Variants in ARHGEF10L observed in about 807,000 individuals in gnomAD.
ARHGEF10L encodes rho guanine nucleotide exchange factor 10-like protein.
Under a neutral mutation model 141.2 loss-of-function variants are expected in ARHGEF10L, and 69 were observed. That is an observed-to-expected ratio of 0.49 (90% CI 0.40 to 0.60). The LOEUF is 0.60. Ranked by LOEUF, ARHGEF10L falls within the 20% of genes least tolerant of loss-of-function variation. The pLI, the probability that ARHGEF10L is intolerant of heterozygous loss-of-function variation, is 0.00. For synonymous variants in ARHGEF10L, 711 were observed against 718.5 expected (o/e 0.99, Z 0.17); for missense variants, 1,482 against 1,734.3 (o/e 0.85, Z 2.58).
At chr1:17,691,512 G>T in intron 27 of ARHGEF10L, among the ~76,000 whole-genome samples, 1 of 152,048 alleles carries the variant, frequency 6.6e-6, no homozygotes, top group South Asian at 2.1e-4. Context: ...TGAGGCTTGT[G>T]GAATGAAAAA....
chr1:17,567,429 C>T (rs896397549), intron 1 of ARHGEF10L, among the ~76,000 whole-genome samples: 3 of 152,152 alleles, frequency 2.0e-5, no homozygotes, highest in Non-Finnish European at 2.9e-5. Context: ...TACAATGGCG[C>T]GATCTCGGCT....
At chr1:17,690,529 GC>G (rs2102549703) in intron 27 of ARHGEF10L, among the ~76,000 whole-genome samples, 1 of 152,378 alleles carries the variant, frequency 6.6e-6, no homozygotes, top group African/African-American at 2.4e-5. Context: ...AGGTCAGTGT[GC>G]CATTCCTGTC....
intron 26 of ARHGEF10L, among the ~76,000 whole-genome samples, chr1:17,679,993 C>T (rs76885632): frequency 6.6e-6 from 1 of 152,276 alleles, no homozygotes; most frequent in South Asian, 2.1e-4. Flanking sequence ...TGGTGCTCAG[C>T]GTTGAGAGTC....
At chr1:17,650,293 A>G (rs2101956595) in intron 22 of ARHGEF10L, among the ~76,000 whole-genome samples, 1 of 152,228 alleles carries the variant, frequency 6.6e-6, no homozygotes, top group South Asian at 2.1e-4. Flanking sequence ...ATGAGCCTAT[A>G]GTCCCAGCTA....
chr1:17,580,658 C>G (rs1190225708), intron 2 of ARHGEF10L, 26 bp downstream of exon 2: 1 of 1,614,112 alleles, frequency 6.2e-7, no homozygotes, highest in Non-Finnish European at 8.5e-7. Flanking sequence ...CTTCCTGTCC[C>G]TCTCATCCTT....
intron 26 of ARHGEF10L, among the ~76,000 whole-genome samples, chr1:17,686,817 T>A (rs935804203): frequency 6.6e-6 from 1 of 152,082 alleles, no homozygotes; most frequent in Non-Finnish European, 1.5e-5. Flanking sequence ...AAAGTTTTTA[T>A]TTGTTTTAAG....
chr1:17,619,157 A>C lies in ARHGEF10L; in HGVS notation c.836-182A>C, dbSNP rs953394059. On this transcript the variant is annotated intron_variant, in intron 9 of 28. Transcript: ENST00000361221. This position sits in a 1 kb window ranked among gnomAD's most constrained non-coding sequence, Gnocchi z 5.0. ...CTGATGGAATGTTCCAGGCCCTGGG[A>C]CGTAGCAGGGAACTCCTGAGAAGGA... 6.6e-6 allele frequency among the ~76,000 whole-genome samples: 1 copy of C among 152,084 alleles called. No individual in the cohort carries two copies. Among genetic ancestry groups the C allele is most frequent in the African/African-American group, 2.4e-5 (1 of 41,414 alleles).
intron 1 of ARHGEF10L, among the ~76,000 whole-genome samples, chr1:17,540,759 C>A (rs1459656771): frequency 6.6e-6 from 1 of 152,226 alleles, no homozygotes; most frequent in Non-Finnish European, 1.5e-5. Context: ...CACTTTCCCA[C>A]TGGCTTTGGA....
chr1:17,585,980 A>G (rs1187473745), intron 2 of ARHGEF10L, among the ~76,000 whole-genome samples: 2 of 152,174 alleles, frequency 1.3e-5, no homozygotes, highest in African/African-American at 4.8e-5. Flanking sequence ...TGGTTCTCTG[A>G]TAGTGGTGAT....
At chr1:17,540,938 G>GC (rs1278356102) in intron 1 of ARHGEF10L, among the ~76,000 whole-genome samples, 3 of 152,272 alleles carry the variant, frequency 2.0e-5, no homozygotes, top group East Asian at 1.9e-4. Flanking sequence ...CCAGCACTGT[G>GC]CCCCCCACGG....
At chr1:17,683,168 C>T (rs1293879313) in intron 26 of ARHGEF10L, among the ~76,000 whole-genome samples, 12 of 142,724 alleles carry the variant, frequency 8.4e-5, no homozygotes, top group Admixed American at 2.7e-4. Context: ...CCCCTGCTCT[C>T]ACCGTGGTGC....
Position 17,632,404 on chromosome 1 carries a change from G to T in ARHGEF10L, c.1668G>T (p.Lys556Asn). The T allele has an allele frequency of 6.2e-7, 1 of 1,614,208 alleles. No homozygotes were observed. Among genetic ancestry groups the T allele is most frequent in the Non-Finnish European group, 8.5e-7 (1 of 1,180,038 alleles). ...ACGGTGACCGCGGGCAGCTAATTAAGTCCAAGGAGCGTCGGGTCTTCCTGC... is the reference window on the plus strand; with the variant it reads ...ACGGTGACCGCGGGCAGCTAATTAATTCCAAGGAGCGTCGGGTCTTCCTGC... Reference protein sequence around the residue: ...TVYGDRGQLIKSKERRVFLLN... With the variant: ...TVYGDRGQLINSKERRVFLLN... The change falls in exon 16 of 29, where the codon AAG becomes AAT. Residue 556 changes from lysine (K) to asparagine (N), a missense_variant. This residue lies in a region of ARHGEF10L where 392 missense variants were observed against 542.1 expected (regional missense o/e 0.72). Transcript: ENST00000361221.
At chr1:17,530,303 G>C in the ARHGEF10L span, among the ~76,000 whole-genome samples, 1 of 152,238 alleles carries the variant, frequency 6.6e-6, no homozygotes, top group South Asian at 2.1e-4. Context: ...GAGAGAAGAG[G>C]GTTCAAACCC....
rs1220058274 is a variant in ARHGEF10L at position 17,683,295 on chromosome 1, T to C, written c.3010-4278T>C. Among the ~76,000 whole-genome samples the C allele has an allele frequency of 3.8e-5, 4 of 104,212 alleles. 1 individual carries two copies. The highest frequency in any genetic ancestry group is 1.6e-4 in the African/African-American group (4 of 25,696). 68.4% of individuals were successfully genotyped at this position (104,212 alleles called of 152,430 possible). ...CCCCTGCTCTCACCGGGGTGCTCACTGCCCCCTGCTCTCACCCGGGTGCTC... is the reference window on the plus strand; with the variant it reads ...CCCCTGCTCTCACCGGGGTGCTCACCGCCCCCTGCTCTCACCCGGGTGCTC... On this transcript the variant is annotated intron_variant, in intron 26 of 28. Transcript: ENST00000361221.
chr1:17,672,942 C>A (rs1266830498), intron 26 of ARHGEF10L, among the ~76,000 whole-genome samples: 1 of 152,076 alleles, frequency 6.6e-6, no homozygotes, highest in Non-Finnish European at 1.5e-5. Context: ...AGGGTCAGGC[C>A]TCCAGGCCCC....
At chr1:17,613,998 G>A (rs527979726) in intron 8 of ARHGEF10L, among the ~76,000 whole-genome samples, 3 of 152,248 alleles carry the variant, frequency 2.0e-5, no homozygotes, top group African/African-American at 7.2e-5. Context: ...GACAGTGGCT[G>A]TTGTTATCTA....
At chr1:17,633,939 G>A (rs78598971) in intron 16 of ARHGEF10L, among the ~76,000 whole-genome samples, 5,400 of 152,228 alleles carry the variant, frequency 0.035, 187 homozygotes, top group African/African-American at 0.086. Context: ...TTGTCCACCC[G>A]TCTATGAATC....
At chr1:17,676,356 T>C (rs376913059) in intron 26 of ARHGEF10L, among the ~76,000 whole-genome samples, 5 of 139,820 alleles carry the variant, frequency 3.6e-5, no homozygotes, top group South Asian at 2.4e-4. Flanking sequence ...TGGGTGCAGG[T>C]GTGGGTGCAG....
chr1:17,656,683 C>T lies in ARHGEF10L; in HGVS notation c.2835C>T (p.Thr945=). The T allele has an allele frequency of 6.2e-7, 1 of 1,613,318 alleles. No homozygotes were observed. Among genetic ancestry groups the T allele is most frequent in the South Asian group, 1.1e-5 (1 of 91,040 alleles). ...FHLLAGLQDG[T]LAAYPRTSGG... ...TGCTCGCTGGCCTGCAGGATGGGACCCTTGCTGCTTACCCTCGGACCAGCG... is the reference window on the plus strand; with the variant it reads ...TGCTCGCTGGCCTGCAGGATGGGACTCTTGCTGCTTACCCTCGGACCAGCG... The change falls in exon 25 of 29, where the codon ACC becomes ACT. Residue 945 remains threonine (T), a synonymous_variant. Coordinates refer to ENST00000361221, the MANE Select transcript of ARHGEF10L (RefSeq NM_018125.4). This position sits in a 1 kb window ranked among gnomAD's most constrained non-coding sequence, Gnocchi z 4.9.
Sources: gnomAD v4.1 joint callset for allele counts (sites outside exome capture counted in the v4.1 genomes callset) on GRCh38, gnomAD v4.1.1 for gene constraint, gnomAD v4.1.1 regional missense constraint, Gnocchi (gnomAD v3.1) non-coding constraint, MANE v1.5 for transcripts, NCBI Gene and HGNC (gene_info 2026-07-23, HGNC 2026-07-21) for gene names.